The following PEX5L variants were observed in gnomAD, a reference collection of about 807,000 sequenced individuals.
PEX5L encodes peroxisomal biogenesis factor 5 like, also known as PEX5-related protein.
Under a neutral mutation model 84.0 loss-of-function variants are expected in PEX5L, and 30 were observed. That is an observed-to-expected ratio of 0.36 (90% confidence interval 0.27 to 0.48). The LOEUF (loss-of-function observed/expected upper bound fraction) is 0.48. Among genes scored for constraint, PEX5L ranks in the 20% least tolerant of loss-of-function variants. The pLI is 0.99. For missense variants in PEX5L, 533 were observed against 754.6 expected (o/e 0.71, Z 3.44); for synonymous variants, 270 against 283.1 (o/e 0.95, Z 0.46).
At chr3:179,994,806 A>C (rs1787706730) in intron 1 of PEX5L, among the ~76,000 whole-genome samples, 1 of 152,008 alleles carries the variant, frequency 6.6e-6, no homozygotes, top group Non-Finnish European at 1.5e-5. Context: ...AGGCAGAAAA[A>C]TGTGAAAAGA....
chr3:179,856,406 T>A (rs1458122110), intron 8 of PEX5L, among the ~76,000 whole-genome samples: 2 of 152,208 alleles, frequency 1.3e-5, no homozygotes, highest in Admixed American at 1.3e-4. Flanking sequence ...AACTCTGTTA[T>A]GGGATACTTC....
At chr3:179,870,296 T>C (rs1345895648) in intron 7 of PEX5L, among the ~76,000 whole-genome samples, 1 of 152,200 alleles carries the variant, frequency 6.6e-6, no homozygotes, top group African/African-American at 2.4e-5. Context: ...AGCAACCAGT[T>C]TGAAGACCCC....
intron 4 of PEX5L, chr3:179,881,129 A>G (rs1439657625): frequency 6.6e-6 from 1 of 152,270 alleles, no homozygotes; most frequent in Non-Finnish European, 1.5e-5. Flanking sequence ...GTGGCAGTCT[A>G]CAACAATGAC....
At chr3:179,887,813 G>A (rs1239556907) in intron 3 of PEX5L, 29 bp from the exon 4 acceptor site, 2 of 1,473,206 alleles carry the variant, frequency 1.4e-6, no homozygotes, top group Non-Finnish European at 9.5e-7. Context: ...AGGTGTCAAA[G>A]GGCTTTGTTA....
rs1163264526 is a variant in PEX5L, at chr3:179,887,762, C to T, written c.221G>A (p.Ser74Asn). 1 of 1,613,616 alleles carries T rather than the reference C, an allele frequency of 6.2e-7. No homozygotes were observed. Among genetic ancestry groups the T allele is most frequent in the Non-Finnish European group, 8.5e-7 (1 of 1,179,710 alleles). The change falls in exon 4 of 15, where the codon AGC becomes AAC. Residue 74 changes from serine (S) to asparagine (N), a missense_variant. This residue lies in a region of PEX5L where 259 missense variants were observed against 301.7 expected (regional missense o/e 0.86). Coordinates refer to ENST00000467460, the MANE Select transcript of PEX5L (RefSeq NM_016559.3). The stretch of plus-strand genomic sequence containing the variant: ...GATGGAGGGACTCAGGAGGGGTCTG[C>T]TTTCTTGTTGCTCATTCACCAGCTG... ...TSQLVNEQQE[S>N]RPLLSPSIDD...
At chr3:180,008,068 G>A (rs1294208118) in intron 1 of PEX5L, among the ~76,000 whole-genome samples, 2 of 152,114 alleles carry the variant, frequency 1.3e-5, no homozygotes, top group African/African-American at 4.8e-5. Context: ...TAGTCAGGCA[G>A]CAAATTTTCC....
At chr3:179,972,769 G>T (rs1785078952) in intron 1 of PEX5L, among the ~76,000 whole-genome samples, 1 of 150,924 alleles carries the variant, frequency 6.6e-6, no homozygotes, top group South Asian at 2.1e-4. Context: ...TCAAAAACCA[G>T]ATTTACACAT....
At chr3:179,831,318 TAA>T (rs58515903) in intron 8 of PEX5L, among the ~76,000 whole-genome samples, 17 of 119,520 alleles carry the variant, frequency 1.4e-4, no homozygotes, top group African/African-American at 2.1e-4. Context: ...AGACTCTGTC[TAA>T]AAAAAAAAAA....
At chr3:179,891,212 C>A (rs3774250) in intron 3 of PEX5L, among the ~76,000 whole-genome samples, 22,852 of 152,064 alleles carry the variant, frequency 0.15, 1,836 homozygotes, top group South Asian at 0.31. Flanking sequence ...TAGTTCACAC[C>A]TGGACTGATG....
chr3:179,809,213 G>C (rs959627662), intron 12 of PEX5L, among the ~76,000 whole-genome samples: 3 of 151,428 alleles, frequency 2.0e-5, no homozygotes, highest in Non-Finnish European at 2.9e-5. Flanking sequence ...TGAATTCTGT[G>C]TCCAAAGCAT....
intron 7 of PEX5L, among the ~76,000 whole-genome samples, chr3:179,868,719 TGCCAGAGGCTTCATCTATATGATAAG>T (rs1361995404): frequency 6.6e-6 from 1 of 152,152 alleles, no homozygotes; most frequent in Non-Finnish European, 1.5e-5. Flanking sequence ...GACTCCTACC[TGCCAGAGGCTTCATCTATATGATAAG>T]GCCCCCTTTG....
At position 179,865,071 on chromosome 3, in the gene PEX5L, G is replaced by A. The variant is rs369033432; in HGVS notation, c.727-5914C>T. 3.3e-5 allele frequency among the ~76,000 whole-genome samples: 5 copies of A among 152,240 alleles called. No individual in the cohort carries two copies. The East Asian group carries it at 9.6e-4, about 29-fold the overall frequency. On this transcript the variant is annotated intron_variant, in intron 7 of 14. Coordinates refer to ENST00000467460, the MANE Select transcript of PEX5L (RefSeq NM_016559.3). The stretch of plus-strand genomic sequence containing the variant: ...GCACCAGCTGCACTGCGCATCACAG[G>A]ATGCAAAGGGCACTGGAAGAAGAGG...
At chr3:179,802,892 CTGAG>C (rs1719641964) in intron 14 of PEX5L, among the ~76,000 whole-genome samples, 1 of 151,638 alleles carries the variant, frequency 6.6e-6, no homozygotes, top group Admixed American at 6.6e-5. Flanking sequence ...ATTACTTTCC[CTGAG>C]TGTGTAATAG....
chr3:179,828,435 C>T (rs1393145673), intron 8 of PEX5L, among the ~76,000 whole-genome samples: 1 of 152,130 alleles, frequency 6.6e-6, no homozygotes, highest in Non-Finnish European at 1.5e-5. Context: ...TTTCTAGAAG[C>T]AGCAACTTTC....
At chr3:179,908,865 T>C (rs1020137780) in intron 2 of PEX5L, among the ~76,000 whole-genome samples, 1 of 152,184 alleles carries the variant, frequency 6.6e-6, no homozygotes, top group African/African-American at 2.4e-5. Context: ...ATCCAGTCTA[T>C]CATTGTTGGA....
chr3:179,860,482 G>C (rs556898839), intron 7 of PEX5L, among the ~76,000 whole-genome samples: 1 of 152,334 alleles, frequency 6.6e-6, no homozygotes, highest in South Asian at 2.1e-4. Flanking sequence ...AATTAAATAA[G>C]AAACTCTGGG....
intron 2 of PEX5L, among the ~76,000 whole-genome samples, chr3:179,967,660 G>C (rs1280410779): frequency 7.0e-6 from 1 of 143,808 alleles, no homozygotes; most frequent in Non-Finnish European, 1.5e-5. Flanking sequence ...TACGTTAAAT[G>C]CTGATGAATT....
At chr3:180,017,633 T>TATTCCTTATAA (rs1229366586) in intron 1 of PEX5L, among the ~76,000 whole-genome samples, 3 of 151,884 alleles carry the variant, frequency 2.0e-5, no homozygotes, top group Non-Finnish European at 4.4e-5. Flanking sequence ...TATATATAAT[T>TATTCCTTATAA]ATATTTCCTT....
intron 2 of PEX5L, among the ~76,000 whole-genome samples, chr3:179,958,892 C>T (rs1372093076): frequency 6.6e-6 from 1 of 152,010 alleles, no homozygotes; most frequent in Non-Finnish European, 1.5e-5. Context: ...GTACAGGATT[C>T]TTCTGCAGGG....
Sources: gnomAD v4.1 joint callset for allele counts (sites outside exome capture counted in the v4.1 genomes callset) on GRCh38, gnomAD v4.1.1 for gene constraint, gnomAD v4.1.1 regional missense constraint, MANE v1.5 for transcripts, NCBI Gene and HGNC (gene_info 2026-07-23, HGNC 2026-07-21) for gene names.